The following CEP104 variants were observed in gnomAD, a reference collection of about 807,000 sequenced individuals.
The protein encoded by CEP104 is centrosomal protein 104.
CEP104 carries 84 observed loss-of-function variants against 113.3 expected under a neutral mutation model. The observed-to-expected ratio is 0.74, with a 90% CI of 0.62 to 0.89. The LOEUF is 0.89. CEP104 is among the 40% of genes least tolerant of loss of function. The probability of loss-of-function intolerance (pLI) is 0.00; values close to 1 mark genes in which losing one functional copy is unlikely to be tolerated. For synonymous variants in CEP104, 378 were observed against 421.7 expected, an observed-to-expected ratio of 0.90 and a Z score of 1.27; for missense variants, 1,053 against 1,156.6, an observed-to-expected ratio of 0.91 and a Z score of 1.30.
rs779930589 is a variant in CEP104, at chr1:3,829,321, A to C, written c.2096T>G (p.Ile699Arg). 7 of 1,601,648 alleles carry C rather than the reference A, an allele frequency of 4.4e-6. No homozygotes were observed. The highest frequency in any genetic ancestry group is 5.9e-6 in the Non-Finnish European group (7 of 1,177,598). ...TGCCAGCTGCCCTTGTAAAGCTTTTATTTCTTCTTTCTTTTGTTTTTCTGC... is the reference window on the plus strand; with the variant it reads ...TGCCAGCTGCCCTTGTAAAGCTTTTCTTTCTTCTTTCTTTTGTTTTTCTGC... ...EEAEKQKKEE[I>R]KALQGQLAAL... The change falls in exon 15 of 22, where the codon ATA becomes AGA. Residue 699 changes from isoleucine to arginine, a missense_variant. Transcript: ENST00000378230.
intron 20 of CEP104, among the ~76,000 whole-genome samples, chr1:3,817,437 G>A (rs1322753400): frequency 6.6e-6 from 1 of 152,124 alleles, no homozygotes; most frequent in Non-Finnish European, 1.5e-5. Flanking sequence ...GCTTCTCCCT[G>A]GTTCCTCTCT....
chr1:3,829,729 C>T (rs537314295), intron 14 of CEP104, 62 bp downstream of exon 14: 396 of 1,499,906 alleles, frequency 2.6e-4, no homozygotes, highest in Non-Finnish European at 3.5e-4. Flanking sequence ...ATTTACGTAC[C>T]GAGTAACTGA....
At chr1:3,842,443 C>G (rs1644430394) in intron 6 of CEP104, among the ~76,000 whole-genome samples, 1 of 152,212 alleles carries the variant, frequency 6.6e-6, no homozygotes, top group Non-Finnish European at 1.5e-5. Flanking sequence ...TCCACACTCA[C>G]AAGTGCCTGT....
At chr1:3,846,498 T>C (rs1570841403) in intron 4 of CEP104, among the ~76,000 whole-genome samples, 1 of 152,340 alleles carries the variant, frequency 6.6e-6, no homozygotes, top group East Asian at 1.9e-4. Flanking sequence ...TTATCATTCA[T>C]GACGAGATTA....
intron 16 of CEP104, 91 bp from the exon 17 acceptor site, chr1:3,826,527 T>C: frequency 3.0e-6 from 4 of 1,351,952 alleles, no homozygotes; most frequent in East Asian, 2.4e-5. Flanking sequence ...AAAACGATTA[T>C]ACAAGTAAAA....
chr1:3,849,266 CT>C (rs59794257), intron 2 of CEP104, among the ~76,000 whole-genome samples: 110,588 of 127,546 alleles, frequency 0.87, 48,271 homozygotes, highest in Middle Eastern at 0.95. Flanking sequence ...AGTGACATAA[CT>C]TTTTTTTTTT....
At chr1:3,835,164 GTTT>G in intron 10 of CEP104, 72 bp from the exon 11 acceptor site, 2 of 1,009,556 alleles carry the variant, frequency 2.0e-6, no homozygotes, top group Non-Finnish European at 2.6e-6. Flanking sequence ...TGAAGGCTTT[GTTT>G]TTTTTTTAAC....
chr1:3,815,565 C>T (rs770990029), intron 21 of CEP104, 48 bp from the exon 22 acceptor site: 47 of 1,356,788 alleles, frequency 3.5e-5, no homozygotes, highest in Non-Finnish European at 3.4e-5. Flanking sequence ...CTCCTACCCA[C>T]GGACCAGGTG....
Position 3,838,849 on chromosome 1 carries a change from A to G in CEP104, c.891+115T>C. On this transcript the variant is annotated intron_variant, in intron 8 of 21. Transcript: ENST00000378230. ...GGCCATCCATAACTGTCCCCTGAGCACTGCAGAGTGTTTTACACTACACTT... is the reference window on the plus strand; with the variant it reads ...GGCCATCCATAACTGTCCCCTGAGCGCTGCAGAGTGTTTTACACTACACTT... 7 of 1,098,256 alleles carry G rather than the reference A, an allele frequency of 6.4e-6. No individual in the cohort carries two copies. The South Asian group carries it at 7.1e-5, about 11-fold the overall frequency. The allele number at this position is 1,098,256 out of a possible 1,614,324, so 68.0% of individuals were successfully genotyped here. A position where few individuals can be genotyped will look rare whatever the true frequency, so the allele number is the denominator to read the frequency against.
intron 15 of CEP104, among the ~76,000 whole-genome samples, chr1:3,828,687 A>G (rs1043224712): frequency 2.0e-5 from 3 of 152,034 alleles, no homozygotes; most frequent in African/African-American, 4.8e-5. Context: ...TGCCACCTTT[A>G]TATCTTTTTT....
At chr1:3,840,490 A>T (rs1035853741) in intron 6 of CEP104, among the ~76,000 whole-genome samples, 1 of 152,120 alleles carries the variant, frequency 6.6e-6, no homozygotes, top group African/African-American at 2.4e-5. Context: ...CACCAGTCTC[A>T]GCCTCCCAAA....
At chr1:3,837,575 C>G in intron 8 of CEP104, 56 bp from the exon 9 acceptor site, 1 of 1,393,828 alleles carries the variant, frequency 7.2e-7, no homozygotes, top group Non-Finnish European at 1.0e-6. Flanking sequence ...CCAGATATAT[C>G]TATCTCATTC....
chr1:3,846,527 A>G (rs1395365841), intron 4 of CEP104, among the ~76,000 whole-genome samples: 1 of 152,238 alleles, frequency 6.6e-6, no homozygotes. Flanking sequence ...TAAGGACAAT[A>G]AATAATCTAT....
At chr1:3,818,294 C>T (rs564868600) in intron 20 of CEP104, among the ~76,000 whole-genome samples, 30 of 152,328 alleles carry the variant, frequency 2.0e-4, no homozygotes, top group African/African-American at 5.1e-4. Flanking sequence ...TTCTTATACA[C>T]GCTTACAAAC....
At chr1:3,837,263 G>C (rs777282433) in intron 9 of CEP104, 29 bp downstream of exon 9, 1 of 1,557,182 alleles carries the variant, frequency 6.4e-7, no homozygotes, top group Non-Finnish European at 8.8e-7. Flanking sequence ...CAAATAAATT[G>C]AACGCCAATC....
At chr1:3,855,794 G>C in intron 1 of CEP104, 1 of 589,654 alleles carries the variant, frequency 1.7e-6, no homozygotes. Context: ...CCACTTTTAG[G>C]CTCTATAAAA....
At position 3,848,595 on chromosome 1, in the gene CEP104, A is replaced by AT. The variant is rs1157348838; in HGVS notation, c.287+12dup. 1 of 1,595,374 alleles carries AT rather than the reference A, an allele frequency of 6.3e-7. No homozygotes were observed. The highest frequency in any genetic ancestry group is 8.5e-7 in the Non-Finnish European group (1 of 1,172,640). On this transcript the variant is annotated intron_variant, in intron 3 of 21. Transcript: ENST00000378230. ...TAAAAGCTGCCATGATACATTTTAAATTTCATTCTTACCCAAGTCTTCGAA... is the reference window on the plus strand; with the variant it reads ...TAAAAGCTGCCATGATACATTTTAAATTTTCATTCTTACCCAAGTCTTCGAA...
rs192080381 is a variant in CEP104 at position 3,830,735 on chromosome 1, C to T, written c.1836+311G>A. On this transcript the variant is annotated intron_variant, in intron 13 of 21. Coordinates refer to ENST00000378230, the MANE Select transcript of CEP104 (RefSeq NM_014704.4). Reference sequence around the variant, plus strand: ...GGCTTGCAGTGAGCCGAGATGGCACCACTGCACCTCCAGCCTGGGCGACAG... The same window carrying T: ...GGCTTGCAGTGAGCCGAGATGGCACTACTGCACCTCCAGCCTGGGCGACAG... 5.0e-3 allele frequency among the ~76,000 whole-genome samples: 746 copies of T among 148,732 alleles called. 4 individuals are homozygous for T. Among genetic ancestry groups the T allele is most frequent in the African/African-American group, 0.017 (697 of 39,930 alleles).
intron 2 of CEP104, among the ~76,000 whole-genome samples, chr1:3,851,071 C>T (rs1340253548): frequency 1.3e-5 from 2 of 152,120 alleles, no homozygotes; most frequent in Non-Finnish European, 2.9e-5. Flanking sequence ...GCTCCTCCTC[C>T]TGCCCTCCAG....
Sources: allele counts gnomAD v4.1 joint callset (sites outside exome capture counted in the v4.1 genomes callset), GRCh38; gene constraint gnomAD v4.1.1; transcripts MANE v1.5; gene names NCBI Gene and HGNC (gene_info 2026-07-23, HGNC 2026-07-21).